The following TMEM132D variants were observed in gnomAD, a reference collection of about 807,000 sequenced individuals.
The protein encoded by TMEM132D is transmembrane protein 132D, also known as mature OL transmembrane protein.
A neutral mutation model predicts 62.3 loss-of-function variants in TMEM132D; 21 were observed. That is an observed-to-expected ratio of 0.34 (90% CI 0.24 to 0.49). TMEM132D has a LOEUF of 0.49. TMEM132D is among the 20% of genes least tolerant of loss of function. The pLI is 0.99. For missense variants in TMEM132D, 1,346 were observed against 1,402.8 expected (o/e 0.96, Z 0.65); for synonymous variants, 621 against 575.6 (o/e 1.08, Z -1.13).
intron 3 of TMEM132D, among the ~76,000 whole-genome samples, chr12:129,524,548 GT>G (rs1875954685): frequency 6.6e-6 from 1 of 152,104 alleles, no homozygotes; most frequent in Non-Finnish European, 1.5e-5. Flanking sequence ...CATTTAGGCT[GT>G]TTTTAACTGT....
chr12:129,632,014 C>T (rs1472128443), intron 2 of TMEM132D, among the ~76,000 whole-genome samples: 2 of 152,168 alleles, frequency 1.3e-5, no homozygotes, highest in East Asian at 1.9e-4. Context: ...TCCAGGAAGA[C>T]GTTCACTGCA....
intron 3 of TMEM132D, among the ~76,000 whole-genome samples, chr12:129,494,687 G>T (rs1040921037): frequency 2.0e-5 from 3 of 152,094 alleles, no homozygotes; most frequent in African/African-American, 7.2e-5. Context: ...CAAAAAAAGA[G>T]AATGGAACAT....
chr12:129,766,569 T>C, intron 1 of TMEM132D, among the ~76,000 whole-genome samples: 1 of 152,188 alleles, frequency 6.6e-6, no homozygotes, highest in East Asian at 1.9e-4. Flanking sequence ...CTTTCTTACC[T>C]ATAGCAAGCC....
chr12:129,182,980 G>A (rs1878109834), intron 5 of TMEM132D, among the ~76,000 whole-genome samples: 1 of 152,168 alleles, frequency 6.6e-6, no homozygotes, highest in South Asian at 2.1e-4. Flanking sequence ...GGATGGCTGA[G>A]GGCTGAGGCT....
chr12:129,402,284 C>T (rs1052777002), intron 3 of TMEM132D, among the ~76,000 whole-genome samples: 2 of 152,184 alleles, frequency 1.3e-5, no homozygotes, highest in African/African-American at 4.8e-5. Context: ...CAAAAGAAAT[C>T]AAATCCAGGT....
chr12:129,755,559 A>G lies in TMEM132D; in HGVS notation c.80-54861T>C, dbSNP rs117197126. 8.5e-5 allele frequency among the ~76,000 whole-genome samples: 13 copies of G among 152,224 alleles called. No homozygotes were observed. The East Asian group carries it at 2.1e-3, about 25-fold the overall frequency. On this transcript the variant is annotated intron_variant, in intron 1 of 8. Coordinates refer to ENST00000422113, the MANE Select transcript of TMEM132D (RefSeq NM_133448.3). ...GTGGTTTCAGAGGCAAACAAAGCAA[A>G]TTGGTGCCACCAAAACTCATAGCTG...
At position 129,074,823 on chromosome 12, in the gene TMEM132D, A is replaced by C. The variant is rs2135604807; in HGVS notation, c.2352T>G (p.Ser784Arg). 1 of 1,613,202 alleles carries C rather than the reference A, an allele frequency of 6.2e-7. No individual in the cohort carries two copies. Among genetic ancestry groups the C allele is most frequent in the South Asian group, 1.1e-5 (1 of 91,036 alleles). ...SESCQKSKRKSVLAVGTANIK... is the reference protein window; with the variant it reads ...SESCQKSKRKRVLAVGTANIK... ...TGTTTGCCGTTCCAACAGCTAACAC[A>C]CTCTTCCGCTTGGATTTCTGGCAGG... is the stretch of plus-strand genomic sequence containing the variant. Residue 784 changes from serine (S) to arginine (R), a missense_variant, in exon 9 of 9, where the codon AGT becomes AGG. Transcript: ENST00000422113.
chr12:129,794,137 G>A (rs1871486481), intron 1 of TMEM132D, among the ~76,000 whole-genome samples: 1 of 150,402 alleles, frequency 6.6e-6, no homozygotes, highest in Admixed American at 6.6e-5. Context: ...CACCCAGGCT[G>A]GAGTGCGGTG....
At chr12:129,835,784 T>G (rs772499454) in intron 1 of TMEM132D, among the ~76,000 whole-genome samples, 1 of 152,178 alleles carries the variant, frequency 6.6e-6, no homozygotes, top group Non-Finnish European at 1.5e-5. Flanking sequence ...GATGAGTCCC[T>G]GGGACCAGCT....
intron 5 of TMEM132D, among the ~76,000 whole-genome samples, chr12:129,167,775 G>A (rs1337500037): frequency 6.6e-6 from 1 of 151,566 alleles, no homozygotes; most frequent in East Asian, 1.9e-4. Flanking sequence ...TTGCCCAATT[G>A]GGAGGCCCCC....
chr12:129,862,915 T>G (rs1003272014), intron 1 of TMEM132D, among the ~76,000 whole-genome samples: 1 of 150,854 alleles, frequency 6.6e-6, no homozygotes, highest in Admixed American at 6.6e-5. Context: ...CAGAAACACA[T>G]CACAACATGC....
At chr12:129,480,370 A>G (rs1874392591) in intron 3 of TMEM132D, among the ~76,000 whole-genome samples, 1 of 152,252 alleles carries the variant, frequency 6.6e-6, no homozygotes, top group Non-Finnish European at 1.5e-5. Flanking sequence ...GGTCTGGAGC[A>G]GACAAGTGTC....
At chr12:129,874,938 A>T (rs1481995025) in intron 1 of TMEM132D, among the ~76,000 whole-genome samples, 1 of 152,192 alleles carries the variant, frequency 6.6e-6, no homozygotes, top group Non-Finnish European at 1.5e-5. Context: ...CGGCCTCCCA[A>T]AGTGCTGGGA....
chr12:129,587,551 A>G (rs996245700), intron 2 of TMEM132D, among the ~76,000 whole-genome samples: 1 of 152,214 alleles, frequency 6.6e-6, no homozygotes, highest in African/African-American at 2.4e-5. Flanking sequence ...AGTTAAAAAA[A>G]AAACTCGCTC....
At chr12:129,427,895 C>T (rs1309620211) in intron 3 of TMEM132D, among the ~76,000 whole-genome samples, 3 of 150,220 alleles carry the variant, frequency 2.0e-5, no homozygotes, top group East Asian at 2.0e-4. Flanking sequence ...TATTAAGTCC[C>T]GCTGAGTTGA....
intron 4 of TMEM132D, among the ~76,000 whole-genome samples, chr12:129,270,843 C>T (rs113761141): frequency 5.9e-5 from 9 of 152,286 alleles, no homozygotes; most frequent in African/African-American, 1.9e-4. Flanking sequence ...ATTGGCATCC[C>T]TTTGGAATTC....
At chr12:129,519,855 C>T (rs931173492) in intron 3 of TMEM132D, among the ~76,000 whole-genome samples, 29 of 152,114 alleles carry the variant, frequency 1.9e-4, no homozygotes, top group African/African-American at 5.3e-4. Context: ...GTGATCCGCC[C>T]GCCTCCGCCT....
rs192293874 is a variant in TMEM132D at position 129,232,688 on chromosome 12, C to T, written c.1300-23025G>A. Among the ~76,000 whole-genome samples the T allele has an allele frequency of 1.6e-3, 237 of 152,232 alleles. 3 individuals are homozygous for T. The highest frequency in any genetic ancestry group is 5.1e-4 in the Non-Finnish European group (35 of 68,024). ...CTCCCACTGCTATAAAGATACTACC[C>T]GAAACTGGGTAATTTATAAACAAAA... On this transcript the variant is annotated intron_variant, in intron 4 of 8. Transcript: ENST00000422113.
chr12:129,810,602 C>A (rs117739439), intron 1 of TMEM132D, among the ~76,000 whole-genome samples: 1 of 151,598 alleles, frequency 6.6e-6, no homozygotes, highest in Admixed American at 6.6e-5. Flanking sequence ...CTGTGCCTTA[C>A]CATACAGAAA....
Sources: gnomAD v4.1 joint callset for allele counts (sites outside exome capture counted in the v4.1 genomes callset) on GRCh38, gnomAD v4.1.1 for gene constraint, MANE v1.5 for transcripts, NCBI Gene and HGNC (gene_info 2026-07-23, HGNC 2026-07-21) for gene names.